Variants in LIPA observed in about 807,000 individuals in gnomAD.
LIPA encodes lysosomal acid lipase/cholesteryl ester hydrolase.
In LIPA, 26 loss-of-function variants were observed where a neutral mutation model predicts 40.6. The ratio of observed to expected loss-of-function variants is 0.64; its 90% CI spans 0.47 to 0.89. The LOEUF is 0.89. Ranked by LOEUF, LIPA falls within the 40% of genes least tolerant of loss-of-function variation. The probability of loss-of-function intolerance (pLI) is 0.00; values close to 1 mark genes in which losing one functional copy is unlikely to be tolerated. For missense variants in LIPA, 455 were observed against 479.6 expected (o/e 0.95, Z 0.48); for synonymous variants, 188 against 168.4 (o/e 1.12, Z -0.90).
chr10:89,397,232 G>A (rs1589635263), intron 2 of LIPA, among the ~76,000 whole-genome samples: 1 of 151,814 alleles, frequency 6.6e-6, no homozygotes, highest in Admixed American at 6.6e-5. Context: ...GAATATTCTT[G>A]AGTATACATC....
Position 89,403,694 on chromosome 10 carries a change from T to C in LIPA, c.61+9097A>G, listed in dbSNP as rs923633798. The C allele has an allele frequency of 2.5e-6, 4 of 1,590,696 alleles. No individual in the cohort carries two copies. The African/African-American group carries it at 5.4e-5, about 22-fold the overall frequency. On this transcript the variant is annotated intron_variant, in intron 2 of 8. Coordinates refer to the LIPA transcript ENST00000371837. ...GACTGGCTGCTGACTTTGAGAACTC[T>C]GTGAGACAAGGTCCTTAGGCACCCA... is the stretch of plus-strand genomic sequence containing the variant.
chr10:89,267,630 G>A (rs1033930568), intron 1 of LIPA, among the ~76,000 whole-genome samples: 2 of 148,496 alleles, frequency 1.3e-5, no homozygotes, highest in Admixed American at 6.7e-5. Context: ...CCTAATGCTA[G>A]ATGACGAGTT....
chr10:89,349,046 A>G (rs1843942295), intron 2 of LIPA, among the ~76,000 whole-genome samples: 1 of 152,210 alleles, frequency 6.6e-6, no homozygotes, highest in African/African-American at 2.4e-5. Context: ...TTCAAAATGA[A>G]GGCACTTGAG....
intron 1 of LIPA, among the ~76,000 whole-genome samples, chr10:89,304,051 C>A (rs1463181843): frequency 6.6e-6 from 1 of 152,212 alleles, no homozygotes; most frequent in Non-Finnish European, 1.5e-5. Context: ...TCCTGTGAAG[C>A]ACTCTAGTAA....
chr10:89,412,516 A>G (rs1282535877), intron 2 of LIPA: 1 of 179,374 alleles, frequency 5.6e-6, no homozygotes, highest in Non-Finnish European at 1.2e-5. Flanking sequence ...CCCAGCCAGC[A>G]GCGGCAACCT....
rs546114773 is a variant in LIPA, at chr10:89,341,599, T to G, written c.-2+1012A>C. ...AAATTCCTTATCCCCTAGGAATTAA[T>G]GTAATATTTGAAATAAATTCTGAAA... On this transcript the variant is annotated intron_variant, in intron 1 of 5. Coordinates refer to the LIPA transcript ENST00000282673. 1.3e-4 allele frequency among the ~76,000 whole-genome samples: 20 copies of G among 152,356 alleles called. No homozygotes were observed. The South Asian group carries it at 3.7e-3, about 28-fold the overall frequency.
chr10:89,275,654 C>A (rs1396383317), intron 1 of LIPA, among the ~76,000 whole-genome samples: 1 of 152,164 alleles, frequency 6.6e-6, no homozygotes, highest in African/African-American at 2.4e-5. Context: ...GTTGCTGGAT[C>A]CTGACTAATA....
chr10:89,316,637 G>C (rs1843543060), intron 1 of LIPA, among the ~76,000 whole-genome samples: 1 of 152,332 alleles, frequency 6.6e-6, no homozygotes, highest in South Asian at 2.1e-4. Flanking sequence ...TCCACCTCTG[G>C]GGCAGGGTAT....
intron 1 of LIPA, among the ~76,000 whole-genome samples, chr10:89,296,635 G>A (rs779913738): frequency 1.2e-4 from 18 of 152,150 alleles, no homozygotes; most frequent in Admixed American, 6.5e-5. Context: ...TTTTTAGGAA[G>A]GATAGTTTCT....
chr10:89,374,458 T>C (rs1844109371), intron 2 of LIPA, among the ~76,000 whole-genome samples: 1 of 152,186 alleles, frequency 6.6e-6, no homozygotes, highest in African/African-American at 2.4e-5. Context: ...CCTGAATACC[T>C]AATCAGTTGA....
chr10:89,252,655 A>C (rs1843144401), upstream of LIPA, among the ~76,000 whole-genome samples: 1 of 152,060 alleles, frequency 6.6e-6, no homozygotes, highest in Non-Finnish European at 1.5e-5. Flanking sequence ...TAAAAATACA[A>C]AATTAGCGGG....
chr10:89,319,438 A>G (rs1589599713), intron 1 of LIPA, among the ~76,000 whole-genome samples: 2 of 152,266 alleles, frequency 1.3e-5, no homozygotes, highest in East Asian at 1.9e-4. Context: ...AAACACCTCT[A>G]TGCAAATAAA....
At chr10:89,339,877 A>T (rs1237629259) in intron 1 of LIPA, 4 of 1,614,218 alleles carry the variant, frequency 2.5e-6, no homozygotes, top group Non-Finnish European at 3.4e-6. Context: ...TGTATCTGAA[A>T]ATCTGCTTCC....
At chr10:89,347,731 G>T (rs542146927) in intron 2 of LIPA, among the ~76,000 whole-genome samples, 1 of 152,292 alleles carries the variant, frequency 6.6e-6, no homozygotes, top group Non-Finnish European at 1.5e-5. Flanking sequence ...GAAGTCCAGA[G>T]AGCTTCCTCC....
intron 1 of LIPA, chr10:89,302,253 C>G (rs1198635614): frequency 2.1e-6 from 2 of 968,730 alleles, no homozygotes; most frequent in Non-Finnish European, 3.3e-6. Context: ...CTTACTATGC[C>G]TCTACCTCTG....
At position 89,377,091 on chromosome 10, in the gene LIPA, G is replaced by C. The variant is rs377157210; in HGVS notation, c.61+35700C>G. Among the ~76,000 whole-genome samples, 6 of 152,202 alleles carry C rather than the reference G, an allele frequency of 3.9e-5. No individual in the cohort carries two copies. The East Asian group carries it at 7.7e-4, about 20-fold the overall frequency. ...AGGATGACATTGTAACAATTCACAA[G>C]AGGAATTCAGAATAGCAGCTTTCCA... is the stretch of plus-strand genomic sequence containing the variant. On this transcript the variant is annotated intron_variant, in intron 2 of 8. Transcript: ENST00000371837.
At chr10:89,353,509 C>T (rs764720740) in intron 2 of LIPA, among the ~76,000 whole-genome samples, 14 of 152,090 alleles carry the variant, frequency 9.2e-5, no homozygotes, top group Non-Finnish European at 1.9e-4. Flanking sequence ...ACTTGCAAAC[C>T]CCAAGTCAAA....
chr10:89,401,860 T>G (rs1423167686), intron 2 of LIPA, among the ~76,000 whole-genome samples: 1 of 151,916 alleles, frequency 6.6e-6, no homozygotes, highest in Non-Finnish European at 1.5e-5. Context: ...ACATGCAGAG[T>G]AAGGTCCTGA....
chr10:89,410,429 T>A (rs1841460069), intron 2 of LIPA, among the ~76,000 whole-genome samples: 1 of 152,166 alleles, frequency 6.6e-6, no homozygotes, highest in Admixed American at 6.5e-5. Flanking sequence ...CCCGAGATGA[T>A]CCCTTAGAAG....
Sources: allele counts gnomAD v4.1 joint callset (sites outside exome capture counted in the v4.1 genomes callset), GRCh38; gene constraint gnomAD v4.1.1; transcripts MANE v1.5; gene names NCBI Gene and HGNC (gene_info 2026-07-23, HGNC 2026-07-21).